PTH1R: variants seen among roughly 807,000 people sequenced by gnomAD.
PTH1R encodes the protein parathyroid hormone 1 receptor.
PTH1R carries 32 observed loss-of-function variants against 70.7 expected under a neutral mutation model. That is an observed-to-expected ratio of 0.45 (90% CI 0.34 to 0.61). The LOEUF (loss-of-function observed/expected upper bound fraction) is 0.61. Ranked by LOEUF, PTH1R falls within the 20% of genes least tolerant of loss-of-function variation. The pLI is 0.01. For missense variants in PTH1R, 626 were observed against 792.5 expected (o/e 0.79, Z 2.52); for synonymous variants, 329 against 324.8 (o/e 1.01, Z -0.14).
rs1387932410 is a variant in PTH1R, at chr3:46,883,058, C to A, written c.-48-454C>A. Among the ~76,000 whole-genome samples, 2 of 151,736 alleles carry A rather than the reference C, an allele frequency of 1.3e-5. No individual in the cohort carries two copies. Among genetic ancestry groups the A allele is most frequent in the African/African-American group, 4.8e-5 (2 of 41,342 alleles). On this transcript the variant is annotated intron_variant, in intron 2 of 15. Coordinates refer to ENST00000449590, the MANE Select transcript of PTH1R (RefSeq NM_000316.3). This position sits in a 1 kb window ranked among gnomAD's most constrained non-coding sequence, Gnocchi z 6.4. ...CTAAAAATAACAGTCCTGCGCGCCCCCCGCAGACCGCGACCCCGACCCCTC... is the reference window on the plus strand; with the variant it reads ...CTAAAAATAACAGTCCTGCGCGCCCACCGCAGACCGCGACCCCGACCCCTC...
intron 10 of PTH1R, 122 bp from the exon 11 acceptor site, chr3:46,900,903 G>A: frequency 9.3e-7 from 1 of 1,071,952 alleles, no homozygotes; most frequent in Non-Finnish European, 1.4e-6. Flanking sequence ...AGTGGACCAA[G>A]TGCCCAGTGT....
Position 46,899,486 on chromosome 3 carries a change from C to A in PTH1R, c.988+30C>A, listed in dbSNP as rs570456160. 2.6e-5 allele frequency: 41 copies of A among 1,601,728 alleles called. No homozygotes were observed. The South Asian group carries it at 4.4e-4, about 17-fold the overall frequency. ...GCGGGCACAGCGGGTAGCGAGGTGC[C>A]GGCAGGGGTGGGACCGTGGGTGACA... On this transcript the variant is annotated intron_variant, in intron 10 of 15. Transcript: ENST00000449590.
chr3:46,894,034 G>A, intron 4 of PTH1R, 25 bp downstream of exon 4: 1 of 1,610,482 alleles, frequency 6.2e-7, no homozygotes, highest in Non-Finnish European at 8.5e-7. Context: ...AAGAGGGTCT[G>A]GGGATGAGGT....
intron 3 of PTH1R, among the ~76,000 whole-genome samples, chr3:46,888,883 G>A (rs1030777691): frequency 6.6e-6 from 1 of 152,246 alleles, no homozygotes; most frequent in Non-Finnish European, 1.5e-5. Context: ...AGGATGAGAG[G>A]CGTCACAGTG....
intron 9 of PTH1R, 34 bp downstream of exon 9, chr3:46,898,891 C>G: frequency 7.0e-7 from 1 of 1,436,626 alleles, no homozygotes; most frequent in Non-Finnish European, 9.3e-7. Flanking sequence ...CTCCCGGTGC[C>G]GCCACTGGCC....
rs1205995440 is a variant in PTH1R at position 46,883,685 on chromosome 3, G to C, written c.75+51G>C. 6.5e-7 allele frequency: 1 copy of C among 1,541,342 alleles called. No individual in the cohort carries two copies. Among genetic ancestry groups the C allele is most frequent in the East Asian group, 2.4e-5 (1 of 40,886 alleles). On this transcript the variant is annotated intron_variant, in intron 3 of 15. Coordinates refer to ENST00000449590, the MANE Select transcript of PTH1R (RefSeq NM_000316.3). This position sits in a 1 kb window ranked among gnomAD's most constrained non-coding sequence, Gnocchi z 6.4. The stretch of plus-strand genomic sequence containing the variant: ...GGGACAGGCTGCGGGCTTACCCTAG[G>C]GTCCGCGGGATAGGTCTAAGGCACG...
At position 46,892,739 on chromosome 3, in the gene PTH1R, G is replaced by T. The variant is rs2031503164; in HGVS notation, c.76-1168G>T. On this transcript the variant is annotated intron_variant, in intron 3 of 15. Transcript: ENST00000449590. This position sits in a 1 kb window ranked among gnomAD's most constrained non-coding sequence, Gnocchi z 5.2. ...CGCCCTTCACAGCCATGCTCGGACTGCAGGGCCCCGGCCCCGCCTTGGCGC... is the reference window on the plus strand; with the variant it reads ...CGCCCTTCACAGCCATGCTCGGACTTCAGGGCCCCGGCCCCGCCTTGGCGC... The T allele has an allele frequency of 7.1e-6, 7 of 985,634 alleles. No individual in the cohort carries two copies. The African/African-American group carries it at 1.2e-4, about 17-fold the overall frequency. 61.1% of individuals were successfully genotyped at this position (985,634 alleles called of 1,614,324 possible). A position where few individuals can be genotyped will look rare whatever the true frequency, so the allele number is the denominator to read the frequency against.
intron 3 of PTH1R, among the ~76,000 whole-genome samples, chr3:46,886,121 A>G (rs905217711): frequency 2.0e-5 from 3 of 152,206 alleles, no homozygotes; most frequent in Non-Finnish European, 2.9e-5. Flanking sequence ...GATTGTGAGT[A>G]GGAGGCAAAG....
intron 3 of PTH1R, among the ~76,000 whole-genome samples, chr3:46,889,213 G>A (rs2031236872): frequency 6.6e-6 from 1 of 152,208 alleles, no homozygotes; most frequent in Admixed American, 6.5e-5. Flanking sequence ...TCAACGGCCT[G>A]GTTCCCAACA....
At chr3:46,880,738 A>C (rs1314147844) in intron 1 of PTH1R, among the ~76,000 whole-genome samples, 1 of 149,136 alleles carries the variant, frequency 6.7e-6, no homozygotes, top group Non-Finnish European at 1.5e-5. Flanking sequence ...AAGAAGAAGA[A>C]GAAGGAGAAG....
rs1559536222 is a variant in PTH1R, at chr3:46,898,850, C to CCGGCTA, written c.830_834+1dup. 1 of 1,543,788 alleles carries CCGGCTA rather than the reference C, an allele frequency of 6.5e-7. No homozygotes were observed. Among genetic ancestry groups the CCGGCTA allele is most frequent in the East Asian group, 2.4e-5 (1 of 41,190 alleles). On this transcript the variant is annotated inframe_insertion, in exon 9 of 16. Coordinates refer to ENST00000449590, the MANE Select transcript of PTH1R (RefSeq NM_000316.3). ...CCCCCGCCGCCTGCCACCGCCGCTG[C>CCGGCTA]CGGCTACGTGAGTACCCCTCTGCCC...
rs1362688360 is a variant in PTH1R at position 46,879,909 on chromosome 3, C to G, written c.-105-1153C>G. Among the ~76,000 whole-genome samples, 3 of 152,040 alleles carry G rather than the reference C, an allele frequency of 2.0e-5. No individual in the cohort carries two copies. The highest frequency in any genetic ancestry group is 4.4e-5 in the Non-Finnish European group (3 of 68,022). ...CAAAAATTAGCCAGGCGTGGTGGTG[C>G]ACAACTATAATGCCAGCTACTCAGG... On this transcript the variant is annotated intron_variant, in intron 1 of 15. Coordinates refer to ENST00000449590, the MANE Select transcript of PTH1R (RefSeq NM_000316.3). The surrounding 1 kb of genome is among the most constrained non-coding windows in gnomAD (Gnocchi z 4.7).
intron 10 of PTH1R, among the ~76,000 whole-genome samples, chr3:46,899,744 G>A (rs2032002854): frequency 6.6e-6 from 1 of 152,208 alleles, no homozygotes; most frequent in South Asian, 2.1e-4. Flanking sequence ...CAGGATCAGA[G>A]TAGGATACTG....
At position 46,893,070 on chromosome 3, in the gene PTH1R, A is replaced by G. The variant is rs564867900; in HGVS notation, c.76-837A>G. Reference sequence around the variant, plus strand: ...CTCTGGGTGAGCCTCCACCCGCATGATATTTCATTTCCTTTCTTATAATGA... The same window carrying G: ...CTCTGGGTGAGCCTCCACCCGCATGGTATTTCATTTCCTTTCTTATAATGA... On this transcript the variant is annotated intron_variant, in intron 3 of 15. Coordinates refer to ENST00000449590, the MANE Select transcript of PTH1R (RefSeq NM_000316.3). This position sits in a 1 kb window ranked among gnomAD's most constrained non-coding sequence, Gnocchi z 5.2. 1.0e-3 allele frequency among the ~76,000 whole-genome samples: 159 copies of G among 152,228 alleles called. No homozygotes were observed. Among genetic ancestry groups the G allele is most frequent in the African/African-American group, 3.6e-3 (151 of 41,526 alleles).
chr3:46,886,511 C>T (rs2031040101), intron 3 of PTH1R, among the ~76,000 whole-genome samples: 1 of 152,204 alleles, frequency 6.6e-6, no homozygotes, highest in Non-Finnish European at 1.5e-5. Flanking sequence ...GCGCCCGCCA[C>T]CATGCCCAGC....
rs1336354545 is a variant in PTH1R at position 46,898,429 on chromosome 3, C to T, written c.595C>T (p.Leu199=). ...MIYTVGYSVS[L]ASLTVAVLIL... is the part of the protein sequence containing the mutation. ...TTACACCGTGGGCTACTCCGTGTCC[C>T]TGGCGTCCCTCACCGTAGCTGTGCT... The change falls in exon 8 of 16, where the codon CTG becomes TTG. Residue 199 remains leucine, a synonymous_variant. Coordinates refer to ENST00000449590, the MANE Select transcript of PTH1R (RefSeq NM_000316.3). 26 of 1,613,936 alleles carry T rather than the reference C, an allele frequency of 1.6e-5. No homozygotes were observed. The highest frequency in any genetic ancestry group is 4.0e-5 in the African/African-American group (3 of 74,890).
Position 46,903,621 on chromosome 3 carries a change from G to A in PTH1R, c.1747G>A (p.Ala583Thr), listed in dbSNP as rs1268612279. The A allele has an allele frequency of 5.6e-6, 9 of 1,612,294 alleles. No homozygotes were observed. The highest frequency in any genetic ancestry group is 7.6e-6 in the Non-Finnish European group (9 of 1,180,036). The part of the protein sequence containing the change: ...EEASGPERPP[A>T]LLQEEWETVM ...GGCCTCTGGGCCTGAGCGGCCACCT[G>A]CCCTGCTACAGGAAGAGTGGGAGAC... The change falls in exon 16 of 16, where the codon GCC becomes ACC. Residue 583 changes from alanine (A) to threonine (T), a missense_variant. By Grantham distance (58) the Ala-to-Thr change is moderately conservative (BLOSUM62 0). Coordinates refer to ENST00000449590, the MANE Select transcript of PTH1R (RefSeq NM_000316.3). The surrounding 1 kb of genome is among the most constrained non-coding windows in gnomAD (Gnocchi z 4.4).
intron 3 of PTH1R, among the ~76,000 whole-genome samples, chr3:46,890,751 T>C (rs2031369890): frequency 6.6e-6 from 1 of 152,166 alleles, no homozygotes; most frequent in African/African-American, 2.4e-5. Flanking sequence ...TCCACCTGGT[T>C]TGGCCTCCCA....
intron 9 of PTH1R, 93 bp downstream of exon 9, chr3:46,898,950 G>A: frequency 2.2e-6 from 2 of 915,264 alleles, no homozygotes; most frequent in Non-Finnish European, 3.1e-6. Flanking sequence ...CGCCCTGCCC[G>A]CCTCCTGCCA....
Sources: gnomAD v4.1 joint callset for allele counts (sites outside exome capture counted in the v4.1 genomes callset) on GRCh38, gnomAD v4.1.1 for gene constraint, Gnocchi (gnomAD v3.1) non-coding constraint, MANE v1.5 for transcripts, NCBI Gene and HGNC (gene_info 2026-07-23, HGNC 2026-07-21) for gene names.